HMGA2: variants seen among roughly 807,000 people sequenced by gnomAD.
The protein encoded by HMGA2 is high mobility group protein HMGI-C.
A neutral mutation model predicts 19.1 loss-of-function variants in HMGA2; 8 were observed. That is an observed-to-expected ratio of 0.42 (90% CI 0.25 to 0.76). The LOEUF (loss-of-function observed/expected upper bound fraction) is 0.76, where lower values mean the gene tolerates loss of function less well. HMGA2 is among the 30% of genes least tolerant of loss of function. The pLI is 0.28. For synonymous variants in HMGA2, 60 were observed against 48.8 expected, an observed-to-expected ratio of 1.23 and a Z score of -0.96; for missense variants, 109 against 136.3, an observed-to-expected ratio of 0.80 and a Z score of 1.00.
At chr12:65,867,567 T>G in intron 3 of HMGA2, 1 of 442,582 alleles carries the variant, frequency 2.3e-6, no homozygotes, top group Non-Finnish European at 4.6e-6. Context: ...GACAAATCAG[T>G]TGGACTGAGC....
intron 3 of HMGA2, among the ~76,000 whole-genome samples, chr12:65,895,191 T>G (rs1442444936): frequency 6.6e-6 from 1 of 152,172 alleles, no homozygotes; most frequent in Non-Finnish European, 1.5e-5. Flanking sequence ...TCAACTAGAA[T>G]TACATGATTA....
chr12:65,944,446 A>T (rs1876191640), intron 3 of HMGA2, among the ~76,000 whole-genome samples: 1 of 152,208 alleles, frequency 6.6e-6, no homozygotes, highest in African/African-American at 2.4e-5. Flanking sequence ...TAAGCAAGAA[A>T]CTGGAACACC....
chr12:65,918,167 T>C (rs1875177270), intron 3 of HMGA2, among the ~76,000 whole-genome samples: 2 of 152,182 alleles, frequency 1.3e-5, no homozygotes, highest in African/African-American at 4.8e-5. Flanking sequence ...TTCCTAATCT[T>C]AGCAAAATGA....
At chr12:65,828,288 A>AT in intron 2 of HMGA2, 1 of 511,354 alleles carries the variant, frequency 2.0e-6, no homozygotes, top group South Asian at 2.0e-5. Context: ...GTTTATGAAG[A>AT]TACTTAACAG....
At chr12:65,920,721 C>T (rs1875277940) in intron 3 of HMGA2, among the ~76,000 whole-genome samples, 1 of 152,226 alleles carries the variant, frequency 6.6e-6, no homozygotes, top group Non-Finnish European at 1.5e-5. Flanking sequence ...CGCTATGATT[C>T]TGGGGCCTCC....
At chr12:65,888,976 T>C (rs532355524) in intron 3 of HMGA2, among the ~76,000 whole-genome samples, 1 of 152,240 alleles carries the variant, frequency 6.6e-6, no homozygotes, top group South Asian at 2.1e-4. Context: ...TTTCCACCAA[T>C]AATCAGCTGC....
chr12:65,829,743 C>A (rs374215174), intron 2 of HMGA2, among the ~76,000 whole-genome samples: 1 of 151,958 alleles, frequency 6.6e-6, no homozygotes, highest in Admixed American at 6.5e-5. Flanking sequence ...TAGATAGAAA[C>A]GCTCCCATCG....
intron 2 of HMGA2, among the ~76,000 whole-genome samples, chr12:65,833,991 T>A (rs1006503797): frequency 6.6e-6 from 1 of 152,176 alleles, no homozygotes; most frequent in Non-Finnish European, 1.5e-5. Context: ...TTTATATATA[T>A]GTTAGCTCCT....
chr12:65,915,206 C>G lies in HMGA2; in HGVS notation c.250-36177C>G, dbSNP rs1248133760. 7 of 1,604,192 alleles carry G rather than the reference C, an allele frequency of 4.4e-6. No homozygotes were observed. The African/African-American group carries it at 9.4e-5, about 21-fold the overall frequency. ...GGAATTGTCCATTACATCTATGAGC[C>G]TTATGTGTGGCTTTCTCCGATATAG... On this transcript the variant is annotated intron_variant, in intron 3 of 4. Coordinates refer to ENST00000403681, the MANE Select transcript of HMGA2 (RefSeq NM_003483.6).
At chr12:65,922,172 G>T (rs1039386314) in intron 3 of HMGA2, among the ~76,000 whole-genome samples, 2 of 152,198 alleles carry the variant, frequency 1.3e-5, no homozygotes, top group Non-Finnish European at 2.9e-5. Context: ...GCTGTGAGAA[G>T]AGGGTCACCA....
intron 3 of HMGA2, among the ~76,000 whole-genome samples, chr12:65,947,370 G>A (rs1876306106): frequency 6.6e-6 from 1 of 152,098 alleles, no homozygotes; most frequent in African/African-American, 2.4e-5. Context: ...TCAAAGTGCT[G>A]AGATTACCGG....
At chr12:65,849,736 A>ATTTTTGTTTTTTTTTTTTTT (rs1871375873) in intron 3 of HMGA2, among the ~76,000 whole-genome samples, 1 of 85,126 alleles carries the variant, frequency 1.2e-5, no homozygotes, top group Non-Finnish European at 2.1e-5. Flanking sequence ...TAGGCTCTGT[A>ATTTTTGTTTTTTTTTTTTTT]TTTTTTTTTT....
At chr12:65,925,137 TA>T (rs1014443776) in intron 3 of HMGA2, among the ~76,000 whole-genome samples, 1 of 152,160 alleles carries the variant, frequency 6.6e-6, no homozygotes, top group African/African-American at 2.4e-5. Flanking sequence ...TTTTTATAAA[TA>T]AAAAAACTCA....
chr12:65,871,549 A>T (rs1872711475), intron 3 of HMGA2, among the ~76,000 whole-genome samples: 2 of 152,236 alleles, frequency 1.3e-5, no homozygotes, highest in Admixed American at 1.3e-4. Context: ...CCTTCTCATG[A>T]GAATTTTGAA....
intron 3 of HMGA2, among the ~76,000 whole-genome samples, chr12:65,875,589 A>ATTTTTTTTTTT (rs71096056): frequency 0.022 from 567 of 26,102 alleles, 238 homozygotes; most frequent in Non-Finnish European, 0.039. Context: ...GTGCCCGGCT[A>ATTTTTTTTTTT]TTTTTTTTTT....
intron 3 of HMGA2, among the ~76,000 whole-genome samples, chr12:65,922,084 T>A (rs991519639): frequency 5.3e-5 from 8 of 152,174 alleles, no homozygotes; most frequent in Non-Finnish European, 7.3e-5. Flanking sequence ...GTGAAGAACC[T>A]CTGGTAGGGC....
chr12:65,917,540 T>C (rs1353632239), intron 3 of HMGA2, among the ~76,000 whole-genome samples: 2 of 152,126 alleles, frequency 1.3e-5, no homozygotes, highest in South Asian at 2.1e-4. Flanking sequence ...TAAGCAGATA[T>C]AGAAACATGG....
intron 3 of HMGA2, among the ~76,000 whole-genome samples, chr12:65,935,315 GAATGT>G (rs1321869452): frequency 6.6e-6 from 1 of 152,172 alleles, no homozygotes; most frequent in African/African-American, 2.4e-5. Context: ...ACTTATAGTT[GAATGT>G]GATCTATTAG....
intron 3 of HMGA2, chr12:65,842,012 T>A: frequency 9.2e-7 from 1 of 1,086,916 alleles, no homozygotes; most frequent in Non-Finnish European, 1.2e-6. Context: ...TTTATCCCCC[T>A]AGTTTGAACT....
Sources: gnomAD v4.1 joint callset for allele counts (sites outside exome capture counted in the v4.1 genomes callset) on GRCh38, gnomAD v4.1.1 for gene constraint, MANE v1.5 for transcripts, NCBI Gene and HGNC (gene_info 2026-07-23, HGNC 2026-07-21) for gene names.